The following FUT9 variants were observed in gnomAD, a reference collection of about 807,000 sequenced individuals.
The protein encoded by FUT9 is fucosyltransferase 9.
In FUT9, 15 loss-of-function variants were observed where a neutral mutation model predicts 29.7. That is an observed-to-expected ratio of 0.51 (90% confidence interval 0.34 to 0.78). The LOEUF (loss-of-function observed/expected upper bound fraction) is 0.78, where lower values mean the gene tolerates loss of function less well. Ranked by LOEUF, FUT9 falls within the 30% of genes least tolerant of loss-of-function variation. The pLI is 0.01. For missense variants in FUT9, 319 were observed against 425.4 expected, an observed-to-expected ratio of 0.75 and a Z score of 2.20; for synonymous variants, 169 against 153.7, an observed-to-expected ratio of 1.10 and a Z score of -0.74.
intron 1 of FUT9, among the ~76,000 whole-genome samples, chr6:96,089,318 A>C (rs1197550027): frequency 1.3e-5 from 2 of 152,140 alleles, no homozygotes; most frequent in African/African-American, 4.8e-5. Flanking sequence ...AGCCTCCTTG[A>C]GTTCCTAACA....
rs1221249198 is a variant in FUT9 at position 96,181,205 on chromosome 6, C to A, written c.-8-21943C>A. Among the ~76,000 whole-genome samples the A allele has an allele frequency of 2.6e-5, 4 of 151,956 alleles. No individual in the cohort carries two copies. The South Asian group carries it at 8.3e-4, about 31-fold the overall frequency. ...AAAAATCACATTGTCATATCAGACT[C>A]ACTTCAATGAAAGACTGTGTCCAGT... On this transcript the variant is annotated intron_variant, in intron 2 of 2. Coordinates refer to ENST00000302103, the MANE Select transcript of FUT9 (RefSeq NM_006581.4).
chr6:96,026,710 A>G (rs1230877728), intron 1 of FUT9, among the ~76,000 whole-genome samples: 1 of 151,678 alleles, frequency 6.6e-6, no homozygotes, highest in Non-Finnish European at 1.5e-5. Flanking sequence ...CATAATTGTC[A>G]TCTTCTCTAA....
chr6:96,184,287 T>C (rs1288747299), intron 2 of FUT9, among the ~76,000 whole-genome samples: 2 of 152,128 alleles, frequency 1.3e-5, no homozygotes, highest in South Asian at 2.1e-4. Context: ...GTGGTGTAAG[T>C]TGTAACATCT....
chr6:96,152,484 TA>T (rs1772695306), intron 2 of FUT9, among the ~76,000 whole-genome samples: 1 of 152,146 alleles, frequency 6.6e-6, no homozygotes, highest in Admixed American at 6.5e-5. Flanking sequence ...TGTTCATAAT[TA>T]AAAGCCTTGC....
chr6:96,073,836 G>C (rs1390879516), intron 1 of FUT9, among the ~76,000 whole-genome samples: 1 of 152,068 alleles, frequency 6.6e-6, no homozygotes, highest in Non-Finnish European at 1.5e-5. Context: ...CCCTCATCCT[G>C]ACACAACATC....
At chr6:96,136,814 G>T (rs796902178) in intron 2 of FUT9, among the ~76,000 whole-genome samples, 4 of 151,904 alleles carry the variant, frequency 2.6e-5, no homozygotes, top group African/African-American at 9.6e-5. Flanking sequence ...TAATTGCGAG[G>T]CTACTCTCAA....
At chr6:96,083,132 C>A (rs1411714275) in intron 1 of FUT9, among the ~76,000 whole-genome samples, 1 of 151,942 alleles carries the variant, frequency 6.6e-6, no homozygotes, top group Admixed American at 6.6e-5. Context: ...CCTTTCTCAC[C>A]AGAATTCAGT....
chr6:96,137,704 G>C (rs1772384068), intron 2 of FUT9, among the ~76,000 whole-genome samples: 1 of 151,718 alleles, frequency 6.6e-6, no homozygotes, highest in Non-Finnish European at 1.5e-5. Flanking sequence ...GAAAAACTAA[G>C]AAAATAAGTA....
At chr6:96,175,833 T>C (rs773638691) in intron 2 of FUT9, among the ~76,000 whole-genome samples, 14 of 152,178 alleles carry the variant, frequency 9.2e-5, no homozygotes, top group Non-Finnish European at 1.6e-4. Context: ...GATACCCAGA[T>C]AGATGGTAAA....
At chr6:96,160,384 G>A (rs530686007) in intron 2 of FUT9, among the ~76,000 whole-genome samples, 14 of 152,112 alleles carry the variant, frequency 9.2e-5, no homozygotes, top group African/African-American at 3.1e-4. Context: ...AGAATAAATA[G>A]CTTTGATTTC....
chr6:96,108,644 T>C (rs1322867709), intron 1 of FUT9, among the ~76,000 whole-genome samples: 1 of 152,140 alleles, frequency 6.6e-6, no homozygotes, highest in African/African-American at 2.4e-5. Context: ...ACCACTCTGT[T>C]CCACAGAGGC....
rs375778662 is a variant in FUT9 at position 96,211,572 on chromosome 6, A to G, written c.*7337A>G. ...TTTAATATGTTAGGGTATAACTTCA[A>G]TAAACAGGAGTATTTATCTAGTGGT... On this transcript the variant is annotated 3_prime_UTR_variant, in exon 3 of 3. Transcript: ENST00000302103. 1.8e-5 allele frequency: 3 copies of G among 166,808 alleles called. No homozygotes were observed. Among genetic ancestry groups the G allele is most frequent in the African/African-American group, 7.2e-5 (3 of 41,426 alleles). The allele number at this position is 166,808 out of a possible 1,614,324, so 10.3% of individuals were successfully genotyped here.
chr6:96,100,615 G>T (rs1227089844), intron 1 of FUT9, among the ~76,000 whole-genome samples: 4 of 152,174 alleles, frequency 2.6e-5, no homozygotes, highest in Non-Finnish European at 5.9e-5. Flanking sequence ...TTGGGAAATG[G>T]AGAACAGAGC....
At chr6:96,027,229 C>G (rs1325067) in intron 1 of FUT9, among the ~76,000 whole-genome samples, 2 of 151,320 alleles carry the variant, frequency 1.3e-5, no homozygotes, top group African/African-American at 2.4e-5. Context: ...GAGAGCCTCA[C>G]AAAATTAAAT....
intron 2 of FUT9, among the ~76,000 whole-genome samples, chr6:96,126,125 A>G (rs1582251229): frequency 1.3e-5 from 2 of 152,118 alleles, no homozygotes. Context: ...CAGCCTCTGT[A>G]TGTTTCATTA....
At chr6:96,176,696 C>T (rs542753087) in intron 2 of FUT9, among the ~76,000 whole-genome samples, 5 of 152,266 alleles carry the variant, frequency 3.3e-5, no homozygotes, top group African/African-American at 9.6e-5. Context: ...TTCTCATCTG[C>T]TAACCTCAGG....
intron 1 of FUT9, among the ~76,000 whole-genome samples, chr6:96,022,008 CTGTTTT>C (rs1770078014): frequency 6.6e-6 from 1 of 151,936 alleles, no homozygotes; most frequent in Non-Finnish European, 1.5e-5. Flanking sequence ...AACTTGTTGA[CTGTTTT>C]ATGAATACTT....
intron 2 of FUT9, among the ~76,000 whole-genome samples, chr6:96,189,064 T>C (rs1773457168): frequency 6.6e-6 from 1 of 152,066 alleles, no homozygotes; most frequent in South Asian, 2.1e-4. Flanking sequence ...AATGTGTACT[T>C]GGGGTTTTGA....
intron 1 of FUT9, among the ~76,000 whole-genome samples, chr6:96,029,849 T>G (rs1218268551): frequency 1.3e-5 from 2 of 151,306 alleles, no homozygotes; most frequent in African/African-American, 4.8e-5. Context: ...GCATAAAAAT[T>G]GAAAGAGCAG....
Sources: allele counts gnomAD v4.1 joint callset (sites outside exome capture counted in the v4.1 genomes callset), GRCh38; gene constraint gnomAD v4.1.1; transcripts MANE v1.5; gene names NCBI Gene and HGNC (gene_info 2026-07-23, HGNC 2026-07-21).